The following PARVB variants were observed in gnomAD, a reference collection of about 807,000 sequenced individuals.
PARVB encodes parvin beta.
Under a neutral mutation model 47.0 loss-of-function variants are expected in PARVB, and 46 were observed. The ratio of observed to expected loss-of-function variants is 0.98; its 90% confidence interval spans 0.77 to 1.25. The LOEUF is 1.25. Ranked by LOEUF, PARVB falls within the 50% of genes most tolerant of loss-of-function variation. PARVB has a pLI of 0.00. For missense variants in PARVB, 473 were observed against 471.6 expected (o/e 1.00, Z -0.03); for synonymous variants, 196 against 196.3 (o/e 1.00, Z 0.01).
At chr22:44,003,631 G>C (rs901560510) in intron 2 of PARVB, among the ~76,000 whole-genome samples, 1 of 152,170 alleles carries the variant, frequency 6.6e-6, no homozygotes, top group Non-Finnish European at 1.5e-5. Flanking sequence ...AGCCTTTCCT[G>C]TCTGTCTGAA....
chr22:44,147,956 C>T, intron 9 of PARVB, 34 bp downstream of exon 9: 3 of 1,579,312 alleles, frequency 1.9e-6, no homozygotes, highest in Non-Finnish European at 2.6e-6. Flanking sequence ...ATGTGCTCTC[C>T]CCTGGCTCGC....
At chr22:44,011,672 A>G (rs2050524480) in intron 2 of PARVB, among the ~76,000 whole-genome samples, 1 of 152,116 alleles carries the variant, frequency 6.6e-6, no homozygotes, top group Non-Finnish European at 1.5e-5. Flanking sequence ...TCCTTGCATC[A>G]GAGTCTGTCT....
At position 44,027,742 on chromosome 22, in the gene PARVB, G is replaced by A. The variant is rs182792434; in HGVS notation, c.112+3291G>A. Among the ~76,000 whole-genome samples the A allele has an allele frequency of 2.0e-4, 30 of 151,844 alleles. No homozygotes were observed. The East Asian group carries it at 3.9e-3, about 20-fold the overall frequency. ...GTGAAACCCCATCTCCAGTAAAAAC[G>A]CAAAAATTAGCCGGGCATGGTGGCG... On this transcript the variant is annotated intron_variant, in intron 1 of 12. Transcript: ENST00000338758.
In PARVB at chr22:44,147,858, C is replaced by A. The variant is rs774510143; in HGVS notation, c.713-3C>A. On this transcript the variant is annotated splice_polypyrimidine_tract_variant and splice_region_variant and intron_variant, in intron 8 of 12. Coordinates refer to ENST00000338758, the MANE Select transcript of PARVB (RefSeq NM_013327.5). ...CTTCGTGTCTCTCTTTGCATGTCCT[C>A]AGAGCGGGATGCCTTCGACACGCTG... is the stretch of plus-strand genomic sequence containing the variant. 1 of 1,613,886 alleles carries A rather than the reference C, an allele frequency of 6.2e-7. No homozygotes were observed. The highest frequency in any genetic ancestry group is 2.2e-5 in the East Asian group (1 of 44,882).
At chr22:44,163,738 C>G in intron 11 of PARVB, 120 bp from the exon 12 acceptor site, 1 of 806,056 alleles carries the variant, frequency 1.2e-6, no homozygotes, top group Admixed American at 2.7e-5. Context: ...TCACTGGGTC[C>G]TTGTGGACGT....
At chr22:44,134,922 G>C (rs1458704088) in intron 6 of PARVB, among the ~76,000 whole-genome samples, 1 of 152,218 alleles carries the variant, frequency 6.6e-6, no homozygotes, top group Non-Finnish European at 1.5e-5. Context: ...CCAGCACCTG[G>C]TGGGTGCCTC....
At chr22:43,999,833 T>TG (rs1297438226) in intron 2 of PARVB, among the ~76,000 whole-genome samples, 20 of 45,616 alleles carry the variant, frequency 4.4e-4, no homozygotes, top group African/African-American at 3.0e-3. Flanking sequence ...CCCATCTATA[T>TG]GAAAAAAAAA....
At chr22:44,057,790 C>G (rs2051342534) in intron 1 of PARVB, among the ~76,000 whole-genome samples, 1 of 152,044 alleles carries the variant, frequency 6.6e-6, no homozygotes, top group East Asian at 1.9e-4. Flanking sequence ...GGCTGGAGCC[C>G]CAGTCCCACA....
chr22:44,146,160 C>A (rs1008425338), intron 8 of PARVB: 2 of 144,650 alleles, frequency 1.4e-5, no homozygotes, highest in Admixed American at 1.4e-4. Flanking sequence ...CGTGCTCACA[C>A]GTGTACACAC....
At chr22:44,030,930 T>G (rs1033417858) in intron 1 of PARVB, among the ~76,000 whole-genome samples, 3 of 151,020 alleles carry the variant, frequency 2.0e-5, no homozygotes, top group Admixed American at 1.3e-4. Context: ...AAAGGGGGAG[T>G]GGCTGGTCCG....
At chr22:44,030,772 C>A (rs913789431) in intron 1 of PARVB, among the ~76,000 whole-genome samples, 1 of 152,054 alleles carries the variant, frequency 6.6e-6, no homozygotes, top group African/African-American at 2.4e-5. Context: ...AAAGGATTTG[C>A]AAGGAGTGTG....
At chr22:44,012,928 G>T (rs888190275) in intron 2 of PARVB, among the ~76,000 whole-genome samples, 5 of 150,454 alleles carry the variant, frequency 3.3e-5, no homozygotes, top group African/African-American at 1.2e-4. Flanking sequence ...AGACAGTCTC[G>T]CTCTGTCACC....
chr22:44,034,784 C>T (rs901004435), intron 1 of PARVB, among the ~76,000 whole-genome samples: 2 of 146,544 alleles, frequency 1.4e-5, no homozygotes, highest in African/African-American at 5.1e-5. Context: ...AATCTTGGCT[C>T]ACTGCAACCC....
At chr22:44,039,070 G>A (rs2896022) in intron 1 of PARVB, among the ~76,000 whole-genome samples, 68,515 of 152,008 alleles carry the variant, frequency 0.45, 16,269 homozygotes, top group East Asian at 0.7. Context: ...GGAATGCCCC[G>A]CAGACCCATG....
At chr22:44,008,549 GTATT>G (rs2050490409) in intron 2 of PARVB, among the ~76,000 whole-genome samples, 1 of 152,174 alleles carries the variant, frequency 6.6e-6, no homozygotes, top group Admixed American at 6.5e-5. Context: ...TTATAGAAAA[GTATT>G]TATCTTTTGC....
In PARVB at chr22:44,024,377, G is replaced by T; in HGVS notation, c.38G>T (p.Arg13Leu). 8.2e-7 allele frequency: 1 copy of T among 1,217,866 alleles called. No individual in the cohort carries two copies. The allele number at this position is 1,217,866 out of a possible 1,614,324, so 75.4% of individuals were successfully genotyped here. ...SAPRSPTPRP[R>L]RMKKDESFLG... ...CCGCGCTCGCCCACCCCGCGGCCCCGCAGGATGAAGAAGGACGAGTCGTTC... is the reference window on the plus strand; with the variant it reads ...CCGCGCTCGCCCACCCCGCGGCCCCTCAGGATGAAGAAGGACGAGTCGTTC... Residue 13 changes from arginine (R) to leucine (L), a missense_variant, in exon 1 of 13, where the codon CGC (arginine) becomes CTC (leucine). By Grantham distance (102) the Arg-to-Leu change is moderately radical. Coordinates refer to ENST00000338758, the MANE Select transcript of PARVB (RefSeq NM_013327.5).
upstream of PARVB, among the ~76,000 whole-genome samples, chr22:44,022,664 G>T (rs1448116426): frequency 6.6e-6 from 1 of 152,058 alleles, no homozygotes. Context: ...TTCTCCCCAG[G>T]TGCCGTCCTC....
intron 1 of PARVB, among the ~76,000 whole-genome samples, chr22:44,044,574 C>T (rs1369340439): frequency 6.6e-6 from 1 of 152,158 alleles, no homozygotes; most frequent in East Asian, 1.9e-4. Context: ...CAACCTCTGC[C>T]TCCCGGGTTC....
chr22:44,083,118 G>A (rs1020204844), intron 1 of PARVB, among the ~76,000 whole-genome samples: 8 of 152,122 alleles, frequency 5.3e-5, no homozygotes, highest in African/African-American at 1.9e-4. Context: ...GGGTAATTGG[G>A]TTCCTTGTGA....
Sources: allele counts gnomAD v4.1 joint callset (sites outside exome capture counted in the v4.1 genomes callset), GRCh38; gene constraint gnomAD v4.1.1; transcripts MANE v1.5; gene names NCBI Gene and HGNC (gene_info 2026-07-23, HGNC 2026-07-21).